Variants in SEMA6D observed in about 807,000 individuals in gnomAD.
SEMA6D encodes the protein semaphorin-6D.
A neutral mutation model predicts 106.6 loss-of-function variants in SEMA6D; 35 were observed. The ratio of observed to expected loss-of-function variants is 0.33; its 90% CI spans 0.25 to 0.44. The LOEUF (loss-of-function observed/expected upper bound fraction) is 0.44. SEMA6D is among the 20% of genes least tolerant of loss of function. SEMA6D has a pLI of 1.00. For missense variants in SEMA6D, 1,185 were observed against 1,345.9 expected (o/e 0.88, Z 1.87); for synonymous variants, 499 against 487.7 (o/e 1.02, Z -0.31).
chr15:47,288,503 C>T (rs1024832752), intron 1 of SEMA6D, among the ~76,000 whole-genome samples: 3 of 152,156 alleles, frequency 2.0e-5, no homozygotes, highest in African/African-American at 7.2e-5. Context: ...AAATGTATCT[C>T]AGTATCACAG....
At chr15:47,662,991 A>G (rs983548123) in intron 4 of SEMA6D, among the ~76,000 whole-genome samples, 3 of 152,202 alleles carry the variant, frequency 2.0e-5, no homozygotes, top group Non-Finnish European at 4.4e-5. Context: ...GCTATACTAC[A>G]TGTTGGCAAG....
At chr15:47,424,498 GTAATAACT>G (rs754852753) in intron 2 of SEMA6D, among the ~76,000 whole-genome samples, 20 of 152,098 alleles carry the variant, frequency 1.3e-4, no homozygotes, top group Non-Finnish European at 2.4e-4. Context: ...CTATCGGTTT[GTAATAACT>G]TGGAAAGTAA....
chr15:47,422,062 A>G (rs1042342542), intron 2 of SEMA6D, among the ~76,000 whole-genome samples: 1 of 150,628 alleles, frequency 6.6e-6, no homozygotes, highest in Non-Finnish European at 1.5e-5. Context: ...GCAAGAACTA[A>G]GAACCACAAT....
chr15:47,523,505 G>A (rs1193491245), intron 3 of SEMA6D, among the ~76,000 whole-genome samples: 2 of 152,102 alleles, frequency 1.3e-5, no homozygotes, highest in Non-Finnish European at 2.9e-5. Context: ...AGGACAGGAA[G>A]TGAAAGAGCT....
chr15:47,668,728 C>T (rs2078078538), intron 4 of SEMA6D, among the ~76,000 whole-genome samples: 1 of 152,158 alleles, frequency 6.6e-6, no homozygotes, highest in Non-Finnish European at 1.5e-5. Flanking sequence ...CCTTATCTCT[C>T]CCCATCCTCC....
At chr15:47,419,061 G>A (rs1454500441) in intron 2 of SEMA6D, among the ~76,000 whole-genome samples, 1 of 152,152 alleles carries the variant, frequency 6.6e-6, no homozygotes, top group African/African-American at 2.4e-5. Context: ...GGAGAGAAGA[G>A]GGAAGAGAGG....
chr15:47,468,428 C>T (rs1453547291), intron 2 of SEMA6D, among the ~76,000 whole-genome samples: 1 of 152,128 alleles, frequency 6.6e-6, no homozygotes, highest in African/African-American at 2.4e-5. Flanking sequence ...AATTGTCCTA[C>T]TCATGGTACT....
chr15:47,685,148 G>C (rs963353128), intron 4 of SEMA6D, among the ~76,000 whole-genome samples: 2 of 152,064 alleles, frequency 1.3e-5, no homozygotes, highest in Admixed American at 1.3e-4. Context: ...CTTTCCAAGC[G>C]GTCTGTTTCT....
At chr15:47,255,270 T>C (rs1164352944) in intron 1 of SEMA6D, among the ~76,000 whole-genome samples, 1 of 152,122 alleles carries the variant, frequency 6.6e-6, no homozygotes, top group Non-Finnish European at 1.5e-5. Flanking sequence ...GTTGTATTAC[T>C]GTGGTGTCAG....
chr15:47,628,532 A>G (rs1409980231), intron 4 of SEMA6D, among the ~76,000 whole-genome samples: 1 of 152,016 alleles, frequency 6.6e-6, no homozygotes, highest in African/African-American at 2.4e-5. Context: ...ACATCTTTTC[A>G]TGGGCTTTTT....
At chr15:47,463,338 T>C (rs139670090) in intron 2 of SEMA6D, among the ~76,000 whole-genome samples, 1 of 152,134 alleles carries the variant, frequency 6.6e-6, no homozygotes, top group African/African-American at 2.4e-5. Flanking sequence ...AAAACTTTCT[T>C]CTCCATAAAT....
chr15:47,315,997 T>TTG (rs1555421374), intron 1 of SEMA6D, among the ~76,000 whole-genome samples: 19 of 151,464 alleles, frequency 1.3e-4, no homozygotes, highest in African/African-American at 4.1e-4. Flanking sequence ...GGGTTTTTTT[T>TTG]TGTGTGTGTG....
intron 1 of SEMA6D, among the ~76,000 whole-genome samples, chr15:47,753,438 C>G (rs1272023262): frequency 6.6e-6 from 1 of 152,110 alleles, no homozygotes; most frequent in Non-Finnish European, 1.5e-5. Flanking sequence ...ATGGGGCAGT[C>G]AGGAGCACAG....
At chr15:47,615,178 TA>T (rs1243774534) in intron 4 of SEMA6D, among the ~76,000 whole-genome samples, 3 of 152,122 alleles carry the variant, frequency 2.0e-5, no homozygotes, top group East Asian at 3.9e-4. Context: ...AAAATAGCAA[TA>T]AAAAATAATA....
chr15:47,494,791 A>ATATATAT (rs2043597859), intron 3 of SEMA6D, among the ~76,000 whole-genome samples: 3 of 56,946 alleles, frequency 5.3e-5, no homozygotes, highest in Non-Finnish European at 1.2e-4. Flanking sequence ...TATATATATA[A>ATATATAT]TCTCCAGATA....
At chr15:47,676,008 A>G (rs571735264) in intron 4 of SEMA6D, among the ~76,000 whole-genome samples, 18 of 151,810 alleles carry the variant, frequency 1.2e-4, no homozygotes, top group South Asian at 4.2e-4. Flanking sequence ...GGCTGTGTCT[A>G]TTTGGGGCTC....
At chr15:47,284,329 T>C (rs11070575) in intron 1 of SEMA6D, among the ~76,000 whole-genome samples, 67,645 of 152,052 alleles carry the variant, frequency 0.44, 16,929 homozygotes, top group Non-Finnish European at 0.57. Context: ...CAAAGTGTAA[T>C]AGAAAGAACA....
chr15:47,230,815 G>A (rs1301154772), intron 1 of SEMA6D, among the ~76,000 whole-genome samples: 1 of 151,978 alleles, frequency 6.6e-6, no homozygotes, highest in East Asian at 1.9e-4. Context: ...TGGTTCTGAT[G>A]CACTCTTAAA....
At chr15:47,391,674 T>TTG (rs1275186987) in intron 1 of SEMA6D, among the ~76,000 whole-genome samples, 1 of 149,496 alleles carries the variant, frequency 6.7e-6, no homozygotes, top group African/African-American at 2.5e-5. Context: ...TTTTTTTTTT[T>TTG]GTAAGAGGAG....
Sources: gnomAD v4.1 joint callset for allele counts (sites outside exome capture counted in the v4.1 genomes callset) on GRCh38, gnomAD v4.1.1 for gene constraint, MANE v1.5 for transcripts, NCBI Gene and HGNC (gene_info 2026-07-23, HGNC 2026-07-21) for gene names.